Variants in RNF24 observed in about 807,000 individuals in gnomAD.
The protein encoded by RNF24 is ring finger protein 24.
RNF24 carries 14 observed loss-of-function variants against 20.0 expected under a neutral mutation model. The observed-to-expected ratio is 0.70, with a 90% confidence interval of 0.46 to 1.10. RNF24 has a LOEUF of 1.10. RNF24 is among the 50% of genes least tolerant of loss of function. The pLI is 0.00. For synonymous variants in RNF24, 45 were observed against 61.1 expected (o/e 0.74, Z 1.23); for missense variants, 124 against 177.6 (o/e 0.70, Z 1.71).
intron 1 of RNF24, among the ~76,000 whole-genome samples, chr20:3,968,346 T>C (rs2091281514): frequency 6.6e-6 from 1 of 151,766 alleles, no homozygotes; most frequent in Non-Finnish European, 1.5e-5. Flanking sequence ...CAGTGGTACA[T>C]GCCTGTAACC....
chr20:3,977,960 G>A lies in RNF24; in HGVS notation c.-7-13936C>T, dbSNP rs193008452. 4.0e-5 allele frequency among the ~76,000 whole-genome samples: 6 copies of A among 151,894 alleles called. No homozygotes were observed. In the East Asian group the frequency reaches 9.7e-4, roughly 24 times the overall value. On this transcript the variant is annotated intron_variant, in intron 1 of 5. Coordinates refer to ENST00000358395, the MANE Select transcript of RNF24 (RefSeq NM_001134337.3). ...AGGATGAGGAGAAGCTGGTTAACAC[G>A]TACAAAAATACAGTTAGACACAAAG...
chr20:3,990,910 G>GTTCCATGATAACAT (rs61459668), intron 1 of RNF24, among the ~76,000 whole-genome samples: 17,558 of 151,718 alleles, frequency 0.12, 1,375 homozygotes, highest in Non-Finnish European at 0.17. Context: ...ATTTGGCACA[G>GTTCCATGATAACAT]TTCCATGATA....
intron 4 of RNF24, 87 bp from the exon 5 acceptor site, chr20:3,935,160 C>A: frequency 9.9e-7 from 1 of 1,013,492 alleles, no homozygotes; most frequent in Non-Finnish European, 1.5e-6. Context: ...AAAGGCTCAA[C>A]CGTTTGAAGG....
At chr20:3,997,354 TTTAAA>T (rs1980969460) in intron 1 of RNF24, among the ~76,000 whole-genome samples, 1 of 152,142 alleles carries the variant, frequency 6.6e-6, no homozygotes, top group African/African-American at 2.4e-5. Flanking sequence ...TCAGTACTAT[TTTAAA>T]TTATTTTGTA....
intron 1 of RNF24, among the ~76,000 whole-genome samples, chr20:4,012,864 G>T (rs2122176994): frequency 6.6e-6 from 1 of 152,212 alleles, no homozygotes; most frequent in South Asian, 2.1e-4. Flanking sequence ...GATAATTCCG[G>T]TTATGCTACT....
rs1568598081 is a variant in RNF24 at position 3,927,949 on chromosome 20, T to G, written c.*6114A>C. 6.6e-6 allele frequency: 1 copy of G among 152,166 alleles called. No individual in the cohort carries two copies. Among genetic ancestry groups the G allele is most frequent in the South Asian group, 2.1e-4 (1 of 4,832 alleles). 9.4% of individuals were successfully genotyped at this position (152,166 alleles called of 1,614,324 possible). A position where few individuals can be genotyped will look rare whatever the true frequency, so the allele number is the denominator to read the frequency against. Reference sequence around the variant, plus strand: ...AGTACATCTTTGCATCTTGTAACAATTTGGGCTCTACAGCTGAATTGGCAA... The same window carrying G: ...AGTACATCTTTGCATCTTGTAACAAGTTGGGCTCTACAGCTGAATTGGCAA... On this transcript the variant is annotated 3_prime_UTR_variant, in exon 6 of 6. Transcript: ENST00000358395.
intron 2 of RNF24, among the ~76,000 whole-genome samples, chr20:3,959,437 A>C (rs2091177851): frequency 6.6e-6 from 1 of 151,452 alleles, no homozygotes; most frequent in Non-Finnish European, 1.5e-5. Flanking sequence ...CTGTAGCCCC[A>C]AAATTTCCCT....
chr20:3,968,570 A>C (rs1016753628), intron 1 of RNF24, among the ~76,000 whole-genome samples: 1 of 152,202 alleles, frequency 6.6e-6, no homozygotes, highest in African/African-American at 2.4e-5. Flanking sequence ...GTGAGCTATG[A>C]TATCACTGCT....
chr20:4,008,099 T>C (rs1337366034), intron 1 of RNF24, among the ~76,000 whole-genome samples: 1 of 150,690 alleles, frequency 6.6e-6, no homozygotes, highest in Non-Finnish European at 1.5e-5. Flanking sequence ...TTGAGTTTAC[T>C]CCCAAGACGA....
At chr20:3,943,864 A>G (rs1237617893) in intron 4 of RNF24, among the ~76,000 whole-genome samples, 1 of 152,152 alleles carries the variant, frequency 6.6e-6, no homozygotes, top group Non-Finnish European at 1.5e-5. Context: ...CACTTTTATT[A>G]TTTCATGTTA....
Position 3,930,583 on chromosome 20 carries a change from A to C in RNF24, c.*3480T>G, listed in dbSNP as rs1219781957. 2.6e-5 allele frequency: 4 copies of C among 152,240 alleles called. No homozygotes were observed. The highest frequency in any genetic ancestry group is 9.6e-5 in the African/African-American group (4 of 41,464). The allele number at this position is 152,240 out of a possible 1,614,324, so 9.4% of individuals were successfully genotyped here. ...CAGAAGGGCCTAAGGCTAGTGAGTG[A>C]CAAGAGGTGATTCCATCACTCTCTG... On this transcript the variant is annotated 3_prime_UTR_variant, in exon 6 of 6. Coordinates refer to ENST00000358395, the MANE Select transcript of RNF24 (RefSeq NM_001134337.3).
At chr20:3,985,960 TG>T (rs1247275038) in intron 1 of RNF24, among the ~76,000 whole-genome samples, 1 of 152,104 alleles carries the variant, frequency 6.6e-6, no homozygotes, top group Non-Finnish European at 1.5e-5. Flanking sequence ...GGTTTCTCCT[TG>T]AAGACAGTTT....
chr20:3,981,947 G>A (rs779583877), intron 1 of RNF24, among the ~76,000 whole-genome samples: 4 of 151,558 alleles, frequency 2.6e-5, no homozygotes, highest in East Asian at 2.0e-4. Context: ...GTAAAACCCC[G>A]TCTCTACGAA....
At chr20:3,939,276 T>C (rs1375799173) in intron 4 of RNF24, among the ~76,000 whole-genome samples, 2 of 152,162 alleles carry the variant, frequency 1.3e-5, no homozygotes, top group African/African-American at 4.8e-5. Context: ...TACAGGCATG[T>C]GTCATGGCAC....
At chr20:3,942,313 T>C (rs1264889093) in intron 4 of RNF24, among the ~76,000 whole-genome samples, 5 of 149,064 alleles carry the variant, frequency 3.4e-5, no homozygotes, top group Non-Finnish European at 7.4e-5. Context: ...GGACTATACA[T>C]GTGTGCCACC....
intron 4 of RNF24, 33 bp from the exon 5 acceptor site, chr20:3,935,106 T>C: frequency 6.3e-7 from 1 of 1,591,624 alleles, no homozygotes; most frequent in Non-Finnish European, 8.6e-7. Context: ...AAGCCAAGTG[T>C]CTGTTAAGTA....
chr20:3,935,082 C>A lies in RNF24; in HGVS notation c.229-9G>T, dbSNP rs753743637. 1 of 1,612,776 alleles carries A rather than the reference C, an allele frequency of 6.2e-7. No individual in the cohort carries two copies. Among genetic ancestry groups the A allele is most frequent in the Non-Finnish European group, 8.5e-7 (1 of 1,179,044 alleles). On this transcript the variant is annotated splice_polypyrimidine_tract_variant and intron_variant, in intron 4 of 5. Transcript: ENST00000358395. ...AGGCACACTGCACAGAGCTGAAAGA[C>A]AAATGCACAAATGAAGCCAAGTGTC...
At chr20:3,967,994 A>G (rs1265611109) in intron 1 of RNF24, among the ~76,000 whole-genome samples, 1 of 141,824 alleles carries the variant, frequency 7.1e-6, no homozygotes, top group African/African-American at 2.7e-5. Flanking sequence ...AAAAAAAAAA[A>G]AGAAAGAAAG....
chr20:3,965,043 A>C (rs1395095860), intron 1 of RNF24, among the ~76,000 whole-genome samples: 2 of 152,220 alleles, frequency 1.3e-5, no homozygotes, highest in Admixed American at 6.5e-5. Context: ...TTGTTTGAGA[A>C]TACTTACTGA....
Sources: gnomAD v4.1 joint callset for allele counts (sites outside exome capture counted in the v4.1 genomes callset) on GRCh38, gnomAD v4.1.1 for gene constraint, MANE v1.5 for transcripts, NCBI Gene and HGNC (gene_info 2026-07-23, HGNC 2026-07-21) for gene names.